GPR108: variants seen among roughly 807,000 people sequenced by gnomAD.
GPR108 encodes protein GPR108.
GPR108 carries 60 observed loss-of-function variants against 74.3 expected under a neutral mutation model. That is an observed-to-expected ratio of 0.81 (90% CI 0.66 to 1.00). The LOEUF (loss-of-function observed/expected upper bound fraction) is 1.00, where lower values mean the gene tolerates loss of function less well. Among genes scored for constraint, GPR108 ranks in the 50% least tolerant of loss-of-function variants. The pLI is 0.00. For synonymous variants in GPR108, 311 were observed against 292.4 expected, an observed-to-expected ratio of 1.06 and a Z score of -0.65; for missense variants, 667 against 703.3, an observed-to-expected ratio of 0.95 and a Z score of 0.58.
chr19:6,730,623 C>A (rs1422740793), intron 17 of GPR108: 5 of 582,562 alleles, frequency 8.6e-6, no homozygotes, highest in South Asian at 2.0e-5. Flanking sequence ...CCCACTCTAC[C>A]CGTAACCACT....
At position 6,731,491 on chromosome 19, in the gene GPR108, G is replaced by A; in HGVS notation, c.1332C>T (p.Phe444=). 6.8e-7 allele frequency: 1 copy of A among 1,479,342 alleles called. No homozygotes were observed. 91.6% of individuals were successfully genotyped at this position (1,479,342 alleles called of 1,614,324 possible). A position where few individuals can be genotyped will look rare whatever the true frequency, so the allele number is the denominator to read the frequency against. The change falls in exon 15 of 18, where the codon TTC becomes TTT. Residue 444 remains phenylalanine, a synonymous_variant. Coordinates refer to ENST00000264080, the MANE Select transcript of GPR108 (RefSeq NM_001080452.2). ...CTCCTACCATGACATAGTAATGCCGGAACAGCTTCAGCTTGGCCAGGTTCA... is the reference window on the plus strand; with the variant it reads ...CTCCTACCATGACATAGTAATGCCGAAACAGCTTCAGCTTGGCCAGGTTCA... ...VAVNLAKLKL[F]RHYYVMVICY... is the part of the protein sequence containing the mutation.
Position 6,735,939 on chromosome 19 carries a change from C to A in GPR108, c.260G>T (p.Arg87Leu). The A allele has an allele frequency of 1.2e-6, 2 of 1,611,108 alleles. No individual in the cohort carries two copies. Among genetic ancestry groups the A allele is most frequent in the East Asian group, 2.2e-5 (1 of 44,804 alleles). The change falls in exon 3 of 18, where the codon CGG becomes CTG. Residue 87 changes from arginine (R) to leucine (L), a missense_variant. By Grantham distance (102) the Arg-to-Leu change is moderately radical. Coordinates refer to ENST00000264080, the MANE Select transcript of GPR108 (RefSeq NM_001080452.2). ...KSLLVGFSLS[R>L]VRSGRVRSYS... ...GGAGCGAACTCTGCCAGACCGAACC[C>A]GGCTGAGACTGAACCCCACCTGGTG...
intron 14 of GPR108, 125 bp from the exon 15 acceptor site, chr19:6,731,647 AG>A: frequency 5.6e-6 from 5 of 896,424 alleles, no homozygotes; most frequent in Non-Finnish European, 8.3e-6. Flanking sequence ...GCAAGTCTCG[AG>A]GGGACATTAG....
intron 2 of GPR108, 101 bp downstream of exon 2, chr19:6,736,491 C>G: frequency 8.3e-7 from 1 of 1,198,792 alleles, no homozygotes; most frequent in South Asian, 1.3e-5. Flanking sequence ...AGAGAGATGA[C>G]GGGACTTGTA....
chr19:6,736,805 G>A (rs1283670796), intron 1 of GPR108, 94 bp from the exon 2 acceptor site: 1 of 1,558,556 alleles, frequency 6.4e-7, no homozygotes, highest in South Asian at 1.1e-5. Flanking sequence ...AGGGCCTCCT[G>A]GTACCCCTCT....
rs1968412878 is a variant in GPR108 at position 6,731,750 on chromosome 19, A to T, written c.1300+141T>A. 5.9e-6 allele frequency: 6 copies of T among 1,011,676 alleles called. No individual in the cohort carries two copies. In the African/African-American group the frequency reaches 6.5e-5, roughly 11 times the overall value. 62.7% of individuals were successfully genotyped at this position (1,011,676 alleles called of 1,614,324 possible). A position where few individuals can be genotyped will look rare whatever the true frequency, so the allele number is the denominator to read the frequency against. The stretch of plus-strand genomic sequence containing the variant: ...CCAGATAAAGGCATTCGGGGGAAAG[A>T]GAGGCCAGACTGGGGCATCCAGGGA... On this transcript the variant is annotated intron_variant, in intron 14 of 17. Transcript: ENST00000264080.
At chr19:6,732,443 C>A in intron 11 of GPR108, 33 bp downstream of exon 11, 7 of 1,612,692 alleles carry the variant, frequency 4.3e-6, no homozygotes, top group Non-Finnish European at 5.9e-6. Flanking sequence ...GCCTGCCTCC[C>A]CCCAGCTGCC....
At chr19:6,730,845 T>G in intron 17 of GPR108, 142 bp downstream of exon 17, 19 of 864,228 alleles carry the variant, frequency 2.2e-5, no homozygotes, top group South Asian at 3.3e-5. Context: ...CTCCCCTCCA[T>G]CCCTTCTCAA....
chr19:6,730,724 G>T (rs1003552979), intron 17 of GPR108, among the ~76,000 whole-genome samples: 6 of 104,228 alleles, frequency 5.8e-5, no homozygotes, highest in African/African-American at 2.3e-4. Flanking sequence ...CCCCCAGAGC[G>T]GCCCTGGGTG....
rs768643682 is a variant in GPR108 at position 6,734,076 on chromosome 19, T to C, written c.500-22A>G. 22 of 1,613,976 alleles carry C rather than the reference T, an allele frequency of 1.4e-5. No individual in the cohort carries two copies. The East Asian group carries it at 4.5e-4, about 33-fold the overall frequency. The stretch of plus-strand genomic sequence containing the variant: ...CCTCCTGTAAGAGACCGGGCAGTGA[T>C]TTTAAGAGATGGATGGATGGATAGA... On this transcript the variant is annotated intron_variant, in intron 5 of 17. Transcript: ENST00000264080.
chr19:6,732,147 G>A lies in GPR108; in HGVS notation c.1134C>T (p.Ala378=). 6.2e-7 allele frequency: 1 copy of A among 1,613,702 alleles called. No homozygotes were observed. Among genetic ancestry groups the A allele is most frequent in the Non-Finnish European group, 8.5e-7 (1 of 1,180,002 alleles). ...FGIVIPMQVL[A]NVAYIIIESR... is the part of the protein sequence containing the mutation. ...ACTCGATGATGATGTAGGCCACGTT[G>A]GCCAGGACCTGCGCAGGCGGCGGGG... is the stretch of plus-strand genomic sequence containing the variant. The change falls in exon 13 of 18, where the codon GCC becomes GCT. Residue 378 remains alanine (A), a synonymous_variant. Transcript: ENST00000264080.
At chr19:6,735,784 C>A (rs919983295) in intron 3 of GPR108, 80 bp from the exon 4 acceptor site, 2 of 1,539,976 alleles carry the variant, frequency 1.3e-6, no homozygotes, top group Non-Finnish European at 1.8e-6. Flanking sequence ...CCCTGTCCAC[C>A]CACGGGATCT....
In GPR108 at chr19:6,735,610, T is replaced by TC. The variant is rs1476035454; in HGVS notation, c.374+11dup. ...ACGAAGGATCTGAGCGAGCCCCCGG[T>TC]CCCCAACTCACTGCAGATCCTTGGT... is the stretch of plus-strand genomic sequence containing the variant. On this transcript the variant is annotated intron_variant, in intron 4 of 17. Transcript: ENST00000264080. The TC allele has an allele frequency of 6.2e-7, 1 of 1,612,322 alleles. No homozygotes were observed. Among genetic ancestry groups the TC allele is most frequent in the Non-Finnish European group, 8.5e-7 (1 of 1,178,512 alleles).
In GPR108 at chr19:6,732,104, T is replaced by C; in HGVS notation, c.1177A>G (p.Ser393Gly). 1 of 1,613,800 alleles carries C rather than the reference T, an allele frequency of 6.2e-7. No homozygotes were observed. The highest frequency in any genetic ancestry group is 8.5e-7 in the Non-Finnish European group (1 of 1,179,964). Residue 393 changes from serine to glycine, a missense_variant, in exon 13 of 18, where the codon AGC (serine) becomes GGC (glycine). Coordinates refer to ENST00000264080, the MANE Select transcript of GPR108 (RefSeq NM_001080452.2). ...IIIESREEGASDYVLWKEILF... is the reference protein window; with the variant it reads ...IIIESREEGAGDYVLWKEILF... ...ATCTCCTTCCACAGCACGTAGTCGC[T>C]GGCGCCTTCCTCGCGGGACTCGATG...
intron 15 of GPR108, 34 bp downstream of exon 15, chr19:6,731,439 C>G: frequency 6.6e-7 from 1 of 1,523,768 alleles, no homozygotes; most frequent in South Asian, 1.3e-5. Context: ...CCGGTAATCC[C>G]CCCAAACCCG....
rs1968507237 is a variant in GPR108, at chr19:6,733,514, C to A, written c.723+56G>T. Reference sequence around the variant, plus strand: ...GCTAAGCGGGGTGAGGCACTCTGGGCCCGCAGTGGCCTGCAGGGGGCGCTC... The same window carrying A: ...GCTAAGCGGGGTGAGGCACTCTGGGACCGCAGTGGCCTGCAGGGGGCGCTC... On this transcript the variant is annotated intron_variant, in intron 8 of 17. Transcript: ENST00000264080. The A allele has an allele frequency of 6.5e-6, 10 of 1,538,546 alleles. No individual in the cohort carries two copies. In the South Asian group the frequency reaches 1.1e-4, roughly 17 times the overall value.
At position 6,732,514 on chromosome 19, in the gene GPR108, G is replaced by A; in HGVS notation, c.969C>T (p.Pro323=). 6.2e-7 allele frequency: 1 copy of A among 1,613,892 alleles called. No homozygotes were observed. The highest frequency in any genetic ancestry group is 1.3e-5 in the African/African-American group (1 of 75,040). Residue 323 remains proline, a synonymous_variant, in exon 11 of 18, where the codon CCC becomes CCT. Coordinates refer to ENST00000264080, the MANE Select transcript of GPR108 (RefSeq NM_001080452.2). ...NYYFINSQGH[P]IEGLAVMYYI... ...AGTACATGACGGCAAGGCCTTCGATGGGGTGGCCCTGGCTGTTGATGAAGT... is the reference window on the plus strand; with the variant it reads ...AGTACATGACGGCAAGGCCTTCGATAGGGTGGCCCTGGCTGTTGATGAAGT...
chr19:6,732,194 C>G, intron 12 of GPR108, 39 bp from the exon 13 acceptor site: 1 of 1,612,524 alleles, frequency 6.2e-7, no homozygotes, highest in Middle Eastern at 1.6e-4. Flanking sequence ...CTGCCTGGCA[C>G]GCTCCCCTTT....
chr19:6,730,961 G>A (rs771493826), intron 17 of GPR108, 26 bp downstream of exon 17: 9 of 1,173,876 alleles, frequency 7.7e-6, no homozygotes, highest in African/African-American at 5.8e-5. Flanking sequence ...CAGAGCCGCC[G>A]GCCCTGCCCA....
Sources: gnomAD v4.1 joint callset for allele counts (sites outside exome capture counted in the v4.1 genomes callset) on GRCh38, gnomAD v4.1.1 for gene constraint, MANE v1.5 for transcripts, NCBI Gene and HGNC (gene_info 2026-07-23, HGNC 2026-07-21) for gene names.